ZSCAN30: variants seen among roughly 807,000 people sequenced by gnomAD.
ZSCAN30 encodes zinc finger and SCAN domain containing 30.
ZSCAN30 carries 37 observed loss-of-function variants against 44.3 expected under a neutral mutation model. The observed-to-expected ratio is 0.84, with a 90% CI of 0.64 to 1.10. The LOEUF is 1.10. Among genes scored for constraint, ZSCAN30 ranks in the 50% least tolerant of loss-of-function variants. The pLI is 0.00. For synonymous variants in ZSCAN30, 181 were observed against 204.6 expected, an observed-to-expected ratio of 0.88 and a Z score of 0.98; for missense variants, 549 against 582.6, an observed-to-expected ratio of 0.94 and a Z score of 0.59.
At chr18:35,256,611 G>C (rs1158213979) in intron 3 of ZSCAN30, among the ~76,000 whole-genome samples, 1 of 152,048 alleles carries the variant, frequency 6.6e-6, no homozygotes, top group East Asian at 1.9e-4. Flanking sequence ...TACTTGCATA[G>C]AGAGAACCCA....
intron 3 of ZSCAN30, chr18:35,263,169 G>T (rs2044062718): frequency 2.6e-6 from 1 of 382,348 alleles, no homozygotes; most frequent in Non-Finnish European, 5.0e-6. Flanking sequence ...TTAACCCAGG[G>T]GTTCAAGGCT....
At chr18:35,287,574 C>CAAAAAAAAA (rs59300208) in intron 1 of ZSCAN30, among the ~76,000 whole-genome samples, 4 of 94,660 alleles carry the variant, frequency 4.2e-5, no homozygotes, top group Non-Finnish European at 8.1e-5. Context: ...ATCCACATAC[C>CAAAAAAAAA]AAAAAAAAAA....
At chr18:35,278,938 T>C (rs572588738) in intron 1 of ZSCAN30, among the ~76,000 whole-genome samples, 1 of 152,368 alleles carries the variant, frequency 6.6e-6, no homozygotes, top group African/African-American at 2.4e-5. Flanking sequence ...TCATTATTTC[T>C]AGCAGCATTC....
chr18:35,254,214 T>A lies in ZSCAN30; in HGVS notation c.721A>T (p.Asn241Tyr), dbSNP rs1334475088. 5.0e-6 allele frequency: 8 copies of A among 1,614,046 alleles called. No individual in the cohort carries two copies. The highest frequency in any genetic ancestry group is 6.8e-6 in the Non-Finnish European group (8 of 1,180,016). ...GLDNSKKQKG[N>Y]AAGNKISQLP... ...TGACTGATTTTGTTCCCTGCAGCAT[T>A]TCCCTTTTGCTTCTTAGAGTTGTCC... The change falls in exon 4 of 4, where the codon AAT becomes TAT. Residue 241 changes from asparagine to tyrosine, a missense_variant. Coordinates refer to ENST00000333206, the MANE Select transcript of ZSCAN30 (RefSeq NM_001112734.4).
rs761895347 is a variant in ZSCAN30 at position 35,253,630 on chromosome 18, G to A, written c.1305C>T (p.His435=). ...TACATTCATAAGGTTTCTCTCCAGT[G>A]TGAATTCTTTGATGTTCAATAAGGA... ...SSILIEHQRI[H]TGEKPYECNE... The change falls in exon 4 of 4, where the codon CAC becomes CAT. Residue 435 remains histidine (H), a synonymous_variant. Transcript: ENST00000333206. 8 of 1,613,950 alleles carry A rather than the reference G, an allele frequency of 5.0e-6. No individual in the cohort carries two copies. Among genetic ancestry groups the A allele is most frequent in the Non-Finnish European group, 6.8e-6 (8 of 1,180,008 alleles).
chr18:35,254,482 TA>T (rs1569061325), intron 3 of ZSCAN30, 101 bp from the exon 4 acceptor site: 1 of 1,575,754 alleles, frequency 6.3e-7, no homozygotes, highest in South Asian at 1.1e-5. Flanking sequence ...ATTTATTTAT[TA>T]GGAGGACAGT....
chr18:35,251,740 T>C lies in ZSCAN30; in HGVS notation c.*1710A>G, dbSNP rs777074101. 2.6e-5 allele frequency: 4 copies of C among 152,182 alleles called. No homozygotes were observed. The highest frequency in any genetic ancestry group is 4.8e-5 in the African/African-American group (2 of 41,382). 9.4% of individuals were successfully genotyped at this position (152,182 alleles called of 1,614,324 possible). On this transcript the variant is annotated 3_prime_UTR_variant, in exon 4 of 4. Coordinates refer to ENST00000333206, the MANE Select transcript of ZSCAN30 (RefSeq NM_001112734.4). ...CTTGCTTCCCCTTCGCCTTCCACCATGATTTAAGTTTCCTGAGGCCTCCCC... is the reference window on the plus strand; with the variant it reads ...CTTGCTTCCCCTTCGCCTTCCACCACGATTTAAGTTTCCTGAGGCCTCCCC...
At chr18:35,275,034 C>A (rs191923648) in intron 1 of ZSCAN30, among the ~76,000 whole-genome samples, 8 of 152,108 alleles carry the variant, frequency 5.3e-5, no homozygotes, top group African/African-American at 1.4e-4. Flanking sequence ...CACATATTTT[C>A]TTCTACAAAT....
chr18:35,277,526 T>C (rs1417441690), intron 1 of ZSCAN30, among the ~76,000 whole-genome samples: 1 of 152,152 alleles, frequency 6.6e-6, no homozygotes, highest in Non-Finnish European at 1.5e-5. Context: ...GATTTGATGG[T>C]TTTATAAGGG....
intron 3 of ZSCAN30, chr18:35,257,549 T>C (rs1398137587): frequency 8.5e-6 from 2 of 236,358 alleles, no homozygotes; most frequent in Non-Finnish European, 1.6e-5. Context: ...AGTGGGACCT[T>C]ACCAAATACA....
At chr18:35,263,096 C>T (rs180680466) in intron 3 of ZSCAN30, 197 of 300,798 alleles carry the variant, frequency 6.5e-4, no homozygotes, top group African/African-American at 4.2e-3. Flanking sequence ...GGATATTTAG[C>T]CAGGCATGGT....
At position 35,252,834 on chromosome 18, in the gene ZSCAN30, G is replaced by A. The variant is rs1306821144; in HGVS notation, c.*616C>T. ...TACCTCAATGCCTAGCACATAGCAGGTGCTCAATAAACTAGTAGACTTGAA... is the reference window on the plus strand; with the variant it reads ...TACCTCAATGCCTAGCACATAGCAGATGCTCAATAAACTAGTAGACTTGAA... On this transcript the variant is annotated 3_prime_UTR_variant, in exon 4 of 4. Coordinates refer to ENST00000333206, the MANE Select transcript of ZSCAN30 (RefSeq NM_001112734.4). 6.5e-6 allele frequency: 1 copy of A among 152,796 alleles called. No homozygotes were observed. Among genetic ancestry groups the A allele is most frequent in the Non-Finnish European group, 1.5e-5 (1 of 68,532 alleles). The allele number at this position is 152,796 out of a possible 1,614,324, so 9.5% of individuals were successfully genotyped here.
In ZSCAN30 at chr18:35,253,655, A is replaced by C. The variant is rs1450896387; in HGVS notation, c.1280T>G (p.Ile427Ser). ...GTGAATTCTTTGATGTTCAATAAGG[A>C]TAGAACTCCTACCAAAAGCCTTACC... Reference protein sequence around the residue: ...ACGKAFGRSSILIEHQRIHTG... With the variant: ...ACGKAFGRSSSLIEHQRIHTG... Residue 427 changes from isoleucine to serine, a missense_variant, in exon 4 of 4, where the codon ATC becomes AGC. By Grantham distance (142) the Ile-to-Ser change is moderately radical (BLOSUM62 -2). Coordinates refer to ENST00000333206, the MANE Select transcript of ZSCAN30 (RefSeq NM_001112734.4). The C allele has an allele frequency of 6.2e-7, 1 of 1,613,810 alleles. No individual in the cohort carries two copies. The highest frequency in any genetic ancestry group is 8.5e-7 in the Non-Finnish European group (1 of 1,179,954).
At chr18:35,265,250 T>C (rs974700683) in intron 1 of ZSCAN30, among the ~76,000 whole-genome samples, 1 of 152,196 alleles carries the variant, frequency 6.6e-6, no homozygotes, top group Admixed American at 6.5e-5. Context: ...CCAAAGTCTT[T>C]AGCTCTTTCT....
chr18:35,265,611 C>T (rs73426536), intron 1 of ZSCAN30, among the ~76,000 whole-genome samples: 18 of 152,176 alleles, frequency 1.2e-4, no homozygotes, highest in African/African-American at 4.3e-4. Context: ...GGAGAATGGG[C>T]AAGGTGAATG....
intron 1 of ZSCAN30, among the ~76,000 whole-genome samples, chr18:35,274,382 C>T (rs1457898157): frequency 6.6e-6 from 1 of 152,182 alleles, no homozygotes; most frequent in Non-Finnish European, 1.5e-5. Flanking sequence ...CTTCTGCCAG[C>T]TATCTGGGAG....
Position 35,263,955 on chromosome 18 carries a change from G to C in ZSCAN30, c.398C>G (p.Pro133Arg). 1 of 1,613,856 alleles carries C rather than the reference G, an allele frequency of 6.2e-7. No individual in the cohort carries two copies. The highest frequency in any genetic ancestry group is 8.5e-7 in the Non-Finnish European group (1 of 1,179,874). The change falls in exon 2 of 4, where the codon CCA becomes CGA. Residue 133 changes from proline to arginine, a missense_variant. By Grantham distance (103) the Pro-to-Arg change is moderately radical. Coordinates refer to ENST00000333206, the MANE Select transcript of ZSCAN30 (RefSeq NM_001112734.4). ...LEELEKELEE[P>R]RQQDTTHGQE... Reference sequence around the variant, plus strand: ...ATGTTTACTTCTTACCTGTTGCCTTGGCTCCTCCAGTTCTTTTTCCAGCTC... The same window carrying C: ...ATGTTTACTTCTTACCTGTTGCCTTCGCTCCTCCAGTTCTTTTTCCAGCTC...
At chr18:35,257,564 C>G in intron 3 of ZSCAN30, 2 of 252,218 alleles carry the variant, frequency 7.9e-6, no homozygotes, top group Non-Finnish European at 1.5e-5. Context: ...AATACAAAAT[C>G]TGCTAGCACC....
chr18:35,277,955 G>A (rs1281502618), intron 1 of ZSCAN30, among the ~76,000 whole-genome samples: 1 of 152,038 alleles, frequency 6.6e-6, no homozygotes, highest in Non-Finnish European at 1.5e-5. Flanking sequence ...TTCTAAAATA[G>A]ACATATTAAA....
Sources: allele counts gnomAD v4.1 joint callset (sites outside exome capture counted in the v4.1 genomes callset), GRCh38; gene constraint gnomAD v4.1.1; transcripts MANE v1.5; gene names NCBI Gene and HGNC (gene_info 2026-07-23, HGNC 2026-07-21).